The following SDK1 variants were observed in gnomAD, a reference collection of about 807,000 sequenced individuals.
The protein encoded by SDK1 is protein sidekick-1.
In SDK1, 157 loss-of-function variants were observed where a neutral mutation model predicts 245.5. The observed-to-expected ratio is 0.64, with a 90% CI of 0.56 to 0.73. SDK1 has a LOEUF of 0.73. Ranked by LOEUF, SDK1 falls within the 30% of genes least tolerant of loss-of-function variation. The pLI is 0.00. For missense variants in SDK1, 3,583 were observed against 3,002.3 expected (o/e 1.19, Z -4.52); for synonymous variants, 1,647 against 1,278.5 (o/e 1.29, Z -6.15).
chr7:3,777,035 T>C (rs1382170792), intron 4 of SDK1, among the ~76,000 whole-genome samples: 1 of 152,208 alleles, frequency 6.6e-6, no homozygotes, highest in African/African-American at 2.4e-5. Context: ...AGATACCTGC[T>C]TCCTCACTGG....
At chr7:4,253,519 T>G (rs1282406583) in intron 44 of SDK1, among the ~76,000 whole-genome samples, 5 of 152,214 alleles carry the variant, frequency 3.3e-5, no homozygotes, top group Non-Finnish European at 5.9e-5. Flanking sequence ...TTCAGTCCTT[T>G]AAAATTCATT....
At chr7:3,915,847 C>T (rs548920494) in intron 5 of SDK1, among the ~76,000 whole-genome samples, 2 of 152,234 alleles carry the variant, frequency 1.3e-5, no homozygotes, top group East Asian at 1.9e-4. Flanking sequence ...GGCCTGGCCA[C>T]GTTTTGGATA....
chr7:3,646,979 T>G (rs6945360), intron 4 of SDK1, among the ~76,000 whole-genome samples: 1 of 152,122 alleles, frequency 6.6e-6, no homozygotes, highest in African/African-American at 2.4e-5. Flanking sequence ...TTATGTTTAA[T>G]GGGTACAGAG....
intron 4 of SDK1, among the ~76,000 whole-genome samples, chr7:3,697,024 T>A (rs1226289470): frequency 6.6e-6 from 1 of 152,038 alleles, no homozygotes; most frequent in East Asian, 1.9e-4. Flanking sequence ...TTGAATGAGA[T>A]ATACTCTCTC....
intron 35 of SDK1, among the ~76,000 whole-genome samples, chr7:4,183,509 C>A (rs1300593510): frequency 6.6e-6 from 1 of 151,980 alleles, no homozygotes; most frequent in African/African-American, 2.4e-5. Flanking sequence ...GTGGTGCATG[C>A]CTGTAACCCC....
chr7:3,321,056 A>G (rs565141947), intron 1 of SDK1, among the ~76,000 whole-genome samples: 2 of 152,316 alleles, frequency 1.3e-5, no homozygotes, highest in South Asian at 4.1e-4. Context: ...GGATATGTGG[A>G]TGTCTTGCAA....
chr7:3,393,430 C>T (rs1328636340), intron 1 of SDK1, among the ~76,000 whole-genome samples: 2 of 152,164 alleles, frequency 1.3e-5, no homozygotes, highest in Non-Finnish European at 2.9e-5. Context: ...AACTTTTTTA[C>T]ATTCTTGCCA....
intron 44 of SDK1, among the ~76,000 whole-genome samples, chr7:4,249,888 C>A (rs1787179431): frequency 6.6e-6 from 1 of 152,202 alleles, no homozygotes; most frequent in Non-Finnish European, 1.5e-5. Context: ...ACTCACATGT[C>A]ATACAATTCA....
At chr7:3,945,603 A>G (rs972703219) in intron 5 of SDK1, among the ~76,000 whole-genome samples, 3 of 152,144 alleles carry the variant, frequency 2.0e-5, no homozygotes, top group Admixed American at 2.0e-4. Flanking sequence ...CAGTTAGAAG[A>G]TAAAGTTGAG....
At chr7:3,580,675 C>T (rs1324488184) in intron 1 of SDK1, among the ~76,000 whole-genome samples, 1 of 151,968 alleles carries the variant, frequency 6.6e-6, no homozygotes, top group Non-Finnish European at 1.5e-5. Flanking sequence ...ACTATAAAAA[C>T]TCTGGAAGAT....
chr7:4,088,622 C>T (rs1781578518), intron 22 of SDK1, among the ~76,000 whole-genome samples: 1 of 151,714 alleles, frequency 6.6e-6, no homozygotes, highest in African/African-American at 2.4e-5. Flanking sequence ...TTGAGCTGCT[C>T]ATTTGGTTTT....
intron 1 of SDK1, among the ~76,000 whole-genome samples, chr7:3,520,828 C>T (rs1426018014): frequency 6.6e-6 from 1 of 152,174 alleles, no homozygotes; most frequent in Non-Finnish European, 1.5e-5. Flanking sequence ...AGACCTTGCA[C>T]AGCCATATTT....
At chr7:3,335,304 C>T (rs1255444340) in intron 1 of SDK1, among the ~76,000 whole-genome samples, 1 of 152,136 alleles carries the variant, frequency 6.6e-6, no homozygotes, top group African/African-American at 2.4e-5. Flanking sequence ...TTTATTTACC[C>T]CCTAAGCATT....
In SDK1 at chr7:4,034,332, C is replaced by T. The variant is rs111865126; in HGVS notation, c.2603-15016C>T. 1.9e-3 allele frequency among the ~76,000 whole-genome samples: 295 copies of T among 152,162 alleles called. 1 individual carries two copies. Among genetic ancestry groups the T allele is most frequent in the African/African-American group, 6.8e-3 (282 of 41,520 alleles). On this transcript the variant is annotated intron_variant, in intron 17 of 44. Transcript: ENST00000404826. ...GACGTTGTGGGAAAACAGGAGAAACCGTAGATTAGATGGCAGTCATGTGTC... is the reference window on the plus strand; with the variant it reads ...GACGTTGTGGGAAAACAGGAGAAACTGTAGATTAGATGGCAGTCATGTGTC...
intron 1 of SDK1, among the ~76,000 whole-genome samples, chr7:3,618,696 G>A (rs564600637): frequency 6.6e-6 from 1 of 152,284 alleles, no homozygotes. Context: ...AGGTTATAGA[G>A]GAAACTTCTC....
At chr7:4,228,712 G>T (rs1814497) in intron 40 of SDK1, among the ~76,000 whole-genome samples, 1 of 152,034 alleles carries the variant, frequency 6.6e-6, no homozygotes. Context: ...GCTAATTTTT[G>T]TATTTTTAGT....
intron 16 of SDK1, among the ~76,000 whole-genome samples, chr7:4,012,549 CTTTTTTTTTTTTT>C (rs777199429): frequency 2.7e-4 from 7 of 25,984 alleles, no homozygotes; most frequent in African/African-American, 4.3e-4. Context: ...CAATGTGAAG[CTTTTTTTTTTTTT>C]TTTTTTTTTT....
chr7:3,456,778 G>A (rs1780682537), intron 1 of SDK1, among the ~76,000 whole-genome samples: 2 of 152,198 alleles, frequency 1.3e-5, no homozygotes, highest in African/African-American at 4.8e-5. Flanking sequence ...ACTTTGAAGT[G>A]TCTCTTGGAC....
chr7:3,626,720 G>A (rs529582340), intron 2 of SDK1, among the ~76,000 whole-genome samples: 1 of 152,126 alleles, frequency 6.6e-6, no homozygotes, highest in African/African-American at 2.4e-5. Flanking sequence ...GTGTAGTAAC[G>A]CCTTTCTTTT....
Sources: gnomAD v4.1 joint callset for allele counts (sites outside exome capture counted in the v4.1 genomes callset) on GRCh38, gnomAD v4.1.1 for gene constraint, MANE v1.5 for transcripts, NCBI Gene and HGNC (gene_info 2026-07-23, HGNC 2026-07-21) for gene names.